PKIA: variants seen among roughly 807,000 people sequenced by gnomAD.
The protein encoded by PKIA is PKI-alpha.
In PKIA, 4 loss-of-function variants were observed where a neutral mutation model predicts 7.6. The ratio of observed to expected loss-of-function variants is 0.52; its 90% CI spans 0.26 to 1.20. The LOEUF is 1.20. Ranked by LOEUF, PKIA falls within the 50% of genes most tolerant of loss-of-function variation. The pLI is 0.13. For missense variants in PKIA, 73 were observed against 86.2 expected, an observed-to-expected ratio of 0.85 and a Z score of 0.61; for synonymous variants, 21 against 30.7, an observed-to-expected ratio of 0.68 and a Z score of 1.04.
At chr8:78,573,247 T>C (rs1183450461) in intron 2 of PKIA, among the ~76,000 whole-genome samples, 1 of 152,102 alleles carries the variant, frequency 6.6e-6, no homozygotes, top group Non-Finnish European at 1.5e-5. Context: ...TATTTTCTTT[T>C]AAAACAAATC....
chr8:78,570,758 T>C (rs1324372666), intron 1 of PKIA, among the ~76,000 whole-genome samples: 1 of 152,136 alleles, frequency 6.6e-6, no homozygotes, highest in Non-Finnish European at 1.5e-5. Flanking sequence ...AAGCACTCTT[T>C]ATACCAGTTG....
intron 3 of PKIA, among the ~76,000 whole-genome samples, chr8:78,601,088 A>G (rs1013552961): frequency 7.2e-5 from 11 of 152,024 alleles, no homozygotes; most frequent in Non-Finnish European, 1.5e-4. Flanking sequence ...TGTTTGCCAT[A>G]CCACTGGCTA....
intron 1 of PKIA, among the ~76,000 whole-genome samples, chr8:78,528,346 A>G (rs1187332875): frequency 1.3e-5 from 2 of 152,092 alleles, no homozygotes; most frequent in East Asian, 1.9e-4. Flanking sequence ...TAACACTATT[A>G]TACAGAGGCT....
chr8:78,587,454 T>C (rs1007191386), intron 2 of PKIA, among the ~76,000 whole-genome samples: 1 of 152,224 alleles, frequency 6.6e-6, no homozygotes, highest in Non-Finnish European at 1.5e-5. Flanking sequence ...TCTTTTGTAA[T>C]GTGCAGGTAA....
In PKIA at chr8:78,604,762, C is replaced by T. The variant is rs961229410; in HGVS notation, c.*2941C>T. 4 of 151,886 alleles carry T rather than the reference C, an allele frequency of 2.6e-5. No individual in the cohort carries two copies. Among genetic ancestry groups the T allele is most frequent in the African/African-American group, 9.7e-5 (4 of 41,386 alleles). 9.4% of individuals were successfully genotyped at this position (151,886 alleles called of 1,614,324 possible). On this transcript the variant is annotated 3_prime_UTR_variant, in exon 4 of 4. Transcript: ENST00000396418. ...CTTTGGCTTTTTGACTTATTTGCAACAAGCATGAAATTGTTAAATTTACCT... is the reference window on the plus strand; with the variant it reads ...CTTTGGCTTTTTGACTTATTTGCAATAAGCATGAAATTGTTAAATTTACCT...
intron 1 of PKIA, among the ~76,000 whole-genome samples, chr8:78,556,164 C>T (rs1278912524): frequency 1.3e-5 from 2 of 152,028 alleles, no homozygotes; most frequent in Non-Finnish European, 2.9e-5. Context: ...AATATGGATG[C>T]ATTTTTCTTT....
chr8:78,546,128 A>C (rs1279560896), intron 1 of PKIA, among the ~76,000 whole-genome samples: 1 of 152,212 alleles, frequency 6.6e-6, no homozygotes, highest in Admixed American at 6.5e-5. Flanking sequence ...TGTCGAATAC[A>C]TCAACTAATA....
intron 1 of PKIA, among the ~76,000 whole-genome samples, chr8:78,568,418 T>G (rs911022754): frequency 6.6e-6 from 1 of 152,164 alleles, no homozygotes; most frequent in African/African-American, 2.4e-5. Flanking sequence ...AAACTTCAAT[T>G]TATAGCCAGC....
intron 1 of PKIA, among the ~76,000 whole-genome samples, chr8:78,519,814 AT>A (rs1441519201): frequency 6.6e-6 from 1 of 152,138 alleles, no homozygotes; most frequent in African/African-American, 2.4e-5. Flanking sequence ...TTTGTACCCC[AT>A]GGTGGCATGC....
chr8:78,568,460 T>C (rs1043257500), intron 1 of PKIA, among the ~76,000 whole-genome samples: 48 of 152,168 alleles, frequency 3.2e-4, no homozygotes, highest in Non-Finnish European at 4.0e-4. Context: ...ACCACCGCAA[T>C]TCTGGTTCTG....
intron 1 of PKIA, among the ~76,000 whole-genome samples, chr8:78,524,020 ACGTTT>A (rs1414515835): frequency 1.1e-5 from 1 of 90,524 alleles, no homozygotes; most frequent in African/African-American, 6.0e-5. Flanking sequence ...ATATATATAA[ACGTTT>A]ATATAAACGT....
chr8:78,553,396 A>G (rs1807036940), intron 1 of PKIA, among the ~76,000 whole-genome samples: 1 of 151,398 alleles, frequency 6.6e-6, no homozygotes, highest in African/African-American at 2.4e-5. Flanking sequence ...CATCTATAAA[A>G]TAAGACTTCT....
chr8:78,565,279 AT>A (rs1290124652), intron 1 of PKIA, among the ~76,000 whole-genome samples: 1 of 151,796 alleles, frequency 6.6e-6, no homozygotes, highest in Non-Finnish European at 1.5e-5. Flanking sequence ...ATTTTTCATT[AT>A]TTTCATTTTT....
chr8:78,580,960 G>A (rs897789642), intron 2 of PKIA, among the ~76,000 whole-genome samples: 1 of 152,020 alleles, frequency 6.6e-6, no homozygotes, highest in African/African-American at 2.4e-5. Flanking sequence ...TCACATGTAT[G>A]TATGTATGTA....
chr8:78,598,077 AATT>A (rs1375289687), intron 2 of PKIA, among the ~76,000 whole-genome samples: 2 of 147,234 alleles, frequency 1.4e-5, no homozygotes, highest in Non-Finnish European at 3.0e-5. Context: ...ATGTATTATT[AATT>A]ATTAATAATA....
intron 1 of PKIA, among the ~76,000 whole-genome samples, chr8:78,519,197 T>C (rs1244286216): frequency 4.0e-5 from 6 of 149,330 alleles, no homozygotes; most frequent in Non-Finnish European, 5.9e-5. Flanking sequence ...AAAAAAAAAG[T>C]TTTGTCTGCT....
intron 1 of PKIA, among the ~76,000 whole-genome samples, chr8:78,563,170 G>A (rs781341955): frequency 6.6e-6 from 1 of 151,964 alleles, no homozygotes; most frequent in Non-Finnish European, 1.5e-5. Context: ...GCATTAACTT[G>A]GCAAGAGGCA....
intron 1 of PKIA, among the ~76,000 whole-genome samples, chr8:78,532,842 C>T (rs887181980): frequency 6.6e-6 from 1 of 151,734 alleles, no homozygotes; most frequent in East Asian, 1.9e-4. Flanking sequence ...TTGAACCCGA[C>T]AGGTAGAGGT....
chr8:78,573,834 G>C (rs1434335769), intron 2 of PKIA, among the ~76,000 whole-genome samples: 2 of 151,784 alleles, frequency 1.3e-5, no homozygotes, highest in Admixed American at 6.6e-5. Flanking sequence ...AAATCTTTTT[G>C]AATTAATGAA....
Sources: gnomAD v4.1 joint callset for allele counts (sites outside exome capture counted in the v4.1 genomes callset) on GRCh38, gnomAD v4.1.1 for gene constraint, MANE v1.5 for transcripts, NCBI Gene and HGNC (gene_info 2026-07-23, HGNC 2026-07-21) for gene names.